KCNH5: variants seen among roughly 807,000 people sequenced by gnomAD.
KCNH5 encodes the protein voltage-gated delayed rectifier potassium channel KCNH5.
Under a neutral mutation model 96.1 loss-of-function variants are expected in KCNH5, and 46 were observed. That is an observed-to-expected ratio of 0.48 (90% CI 0.38 to 0.61). The LOEUF is 0.61. Ranked by LOEUF, KCNH5 falls within the 20% of genes least tolerant of loss-of-function variation. The pLI is 0.00. For missense variants in KCNH5, 907 were observed against 1,225.8 expected (o/e 0.74, Z 3.88); for synonymous variants, 439 against 449.8 (o/e 0.98, Z 0.30).
At chr14:62,890,603 T>C (rs925412027) in intron 7 of KCNH5, among the ~76,000 whole-genome samples, 1 of 145,654 alleles carries the variant, frequency 6.9e-6, no homozygotes, top group African/African-American at 2.6e-5. Context: ...GGAGGCTGAG[T>C]CAGGAGAATG....
chr14:62,879,957 A>G (rs1243239566), intron 7 of KCNH5, among the ~76,000 whole-genome samples: 1 of 152,182 alleles, frequency 6.6e-6, no homozygotes, highest in Non-Finnish European at 1.5e-5. Context: ...TTTCTGCTAC[A>G]TAAGAACATT....
At position 62,730,266 on chromosome 14, in the gene KCNH5, T is replaced by C. The variant is rs140656098; in HGVS notation, c.2020-21811A>G. ...GTTTTAGGATTTAATGGATTATATGTAAGGACAAGAAACGTGGATAAAGTA... is the reference window on the plus strand; with the variant it reads ...GTTTTAGGATTTAATGGATTATATGCAAGGACAAGAAACGTGGATAAAGTA... On this transcript the variant is annotated intron_variant, in intron 10 of 10. Transcript: ENST00000322893. 2.9e-4 allele frequency among the ~76,000 whole-genome samples: 44 copies of C among 152,324 alleles called. 1 individual carries two copies. The East Asian group carries it at 5.2e-3, about 18-fold the overall frequency.
intron 7 of KCNH5, among the ~76,000 whole-genome samples, chr14:62,908,211 C>T (rs947401627): frequency 7.9e-5 from 12 of 152,176 alleles, no homozygotes; most frequent in African/African-American, 2.7e-4. Context: ...GGCTACCATT[C>T]TTGAACACAT....
intron 8 of KCNH5, among the ~76,000 whole-genome samples, chr14:62,820,107 T>C (rs1163437873): frequency 5.3e-5 from 8 of 152,128 alleles, no homozygotes; most frequent in East Asian, 3.9e-4. Flanking sequence ...AGACAAATCA[T>C]TGGCATTTTG....
intron 10 of KCNH5, among the ~76,000 whole-genome samples, chr14:62,759,901 A>G (rs1370943460): frequency 2.0e-5 from 3 of 152,188 alleles, no homozygotes; most frequent in African/African-American, 7.2e-5. Context: ...AGCCAGCTTC[A>G]CCTGAACGGC....
intron 1 of KCNH5, among the ~76,000 whole-genome samples, chr14:63,040,908 A>G (rs1292006220): frequency 1.3e-5 from 2 of 152,100 alleles, no homozygotes; most frequent in African/African-American, 4.8e-5. Flanking sequence ...TAAGTGGTTC[A>G]TAAAATACTA....
intron 6 of KCNH5, among the ~76,000 whole-genome samples, chr14:62,966,356 A>G (rs1594650012): frequency 6.6e-6 from 1 of 152,322 alleles, no homozygotes; most frequent in East Asian, 1.9e-4. Flanking sequence ...TTCCATGGGC[A>G]TAGACCTCAT....
At chr14:63,027,490 A>C (rs1009805971) in intron 1 of KCNH5, among the ~76,000 whole-genome samples, 1 of 151,792 alleles carries the variant, frequency 6.6e-6, no homozygotes, top group Non-Finnish European at 1.5e-5. Context: ...AAAAAAAAAA[A>C]AAAACTCTGA....
chr14:62,772,907 G>C (rs528854543), intron 10 of KCNH5, among the ~76,000 whole-genome samples: 12 of 152,310 alleles, frequency 7.9e-5, no homozygotes, highest in Middle Eastern at 3.4e-3. Context: ...TTCATGCCCA[G>C]ATTGAGAGTC....
At chr14:62,900,277 A>G (rs1437529310) in intron 7 of KCNH5, among the ~76,000 whole-genome samples, 1 of 152,238 alleles carries the variant, frequency 6.6e-6, no homozygotes, top group Non-Finnish European at 1.5e-5. Context: ...AACGGATACT[A>G]TAAGAATTAC....
At position 62,950,396 on chromosome 14, in the gene KCNH5, C is replaced by T. The variant is rs780567584; in HGVS notation, c.1106G>A (p.Ser369Asn). ...ATCAATGACCTCGTAGTCTCCGATG[C>T]TATACCATATGCAGGCCAGCCAGTG... ...VAHWLACIWY[S>N]IGDYEVIDEV... is the part of the protein sequence containing the mutation. Residue 369 changes from serine (S) to asparagine (N), a missense_variant, in exon 7 of 11, where the codon AGC becomes AAC. Around this residue, in one of 6 missense-constraint regions of KCNH5, gnomAD observed 370 missense variants for 561.3 expected, o/e 0.66. Transcript: ENST00000322893. 1 of 1,613,926 alleles carries T rather than the reference C, an allele frequency of 6.2e-7. No individual in the cohort carries two copies. The highest frequency in any genetic ancestry group is 1.7e-5 in the Admixed American group (1 of 59,988).
intron 7 of KCNH5, among the ~76,000 whole-genome samples, chr14:62,886,600 C>T (rs1024376560): frequency 3.3e-5 from 5 of 152,102 alleles, no homozygotes; most frequent in African/African-American, 1.2e-4. Flanking sequence ...TGTTGTCAAG[C>T]TTGTTTTGAA....
chr14:62,786,010 G>A (rs1199642387), intron 9 of KCNH5, among the ~76,000 whole-genome samples: 2 of 152,136 alleles, frequency 1.3e-5, no homozygotes, highest in African/African-American at 4.8e-5. Context: ...GGCCAACATG[G>A]TGAAATCCCA....
chr14:62,823,236 C>T (rs1483664019), intron 8 of KCNH5, among the ~76,000 whole-genome samples: 1 of 152,098 alleles, frequency 6.6e-6, no homozygotes. Flanking sequence ...GATATTATTT[C>T]TGTTCCTTGA....
At chr14:62,830,649 C>A (rs1408555255) in intron 8 of KCNH5, among the ~76,000 whole-genome samples, 1 of 152,062 alleles carries the variant, frequency 6.6e-6, no homozygotes, top group Admixed American at 6.6e-5. Context: ...GATCCAGGAT[C>A]CAGTCACCTC....
At chr14:62,943,071 T>C (rs940360030) in intron 7 of KCNH5, among the ~76,000 whole-genome samples, 4 of 152,120 alleles carry the variant, frequency 2.6e-5, no homozygotes, top group South Asian at 4.1e-4. Context: ...AAAACATATA[T>C]ATGGAGAGAG....
chr14:62,707,372 A>G lies in KCNH5; in HGVS notation c.*136T>C, dbSNP rs556647455. The G allele has an allele frequency of 7.0e-6, 3 of 427,010 alleles. No individual in the cohort carries two copies. The highest frequency in any genetic ancestry group is 1.3e-4 in the South Asian group (1 of 7,916). 26.5% of individuals were successfully genotyped at this position (427,010 alleles called of 1,614,324 possible). ...TTGGCAGGCCAGAATCCAGCTGGAC[A>G]TGCAATATTTACATATCAAAATCCA... On this transcript the variant is annotated 3_prime_UTR_variant, in exon 11 of 11. Coordinates refer to ENST00000322893, the MANE Select transcript of KCNH5 (RefSeq NM_139318.5).
intron 2 of KCNH5, among the ~76,000 whole-genome samples, chr14:63,015,696 C>T (rs1408966069): frequency 6.6e-6 from 1 of 151,954 alleles, no homozygotes; most frequent in African/African-American, 2.4e-5. Context: ...AATCCGTGCA[C>T]ACTCAAGTCC....
At chr14:62,967,277 C>T (rs537597111) in intron 6 of KCNH5, among the ~76,000 whole-genome samples, 3 of 151,884 alleles carry the variant, frequency 2.0e-5, no homozygotes, top group Admixed American at 2.0e-4. Context: ...AGATGGGGTC[C>T]TAGTATGTTG....
Sources: gnomAD v4.1 joint callset for allele counts (sites outside exome capture counted in the v4.1 genomes callset) on GRCh38, gnomAD v4.1.1 for gene constraint, gnomAD v4.1.1 regional missense constraint, MANE v1.5 for transcripts, NCBI Gene and HGNC (gene_info 2026-07-23, HGNC 2026-07-21) for gene names.